The following CAMTA1 variants were observed in gnomAD, a reference collection of about 807,000 sequenced individuals.
CAMTA1 encodes calmodulin-binding transcription activator 1.
Under a neutral mutation model 170.9 loss-of-function variants are expected in CAMTA1, and 27 were observed. That is an observed-to-expected ratio of 0.16 (90% CI 0.12 to 0.22). The LOEUF (loss-of-function observed/expected upper bound fraction) is 0.22. CAMTA1 is among the 10% of genes least tolerant of loss of function. The pLI is 1.00. For synonymous variants in CAMTA1, 833 were observed against 891.5 expected, an observed-to-expected ratio of 0.93 and a Z score of 1.17; for missense variants, 1,619 against 2,217.2, an observed-to-expected ratio of 0.73 and a Z score of 5.42.
At chr1:6,956,578 A>G (rs1412992558) in intron 3 of CAMTA1, among the ~76,000 whole-genome samples, 3 of 152,212 alleles carry the variant, frequency 2.0e-5, no homozygotes, top group Non-Finnish European at 2.9e-5. Context: ...CTGCACAATT[A>G]GGCTATAAAT....
Position 7,744,861 on chromosome 1 carries a change from C to T in CAMTA1, c.4209C>T (p.His1403=). The change falls in exon 17 of 23, where the codon CAC becomes CAT. Residue 1403 remains histidine (H), a synonymous_variant. Coordinates refer to ENST00000303635, the MANE Select transcript of CAMTA1 (RefSeq NM_015215.4). ...IQVNMMTLAE[H]IIEATPDRIK... ...TGAACATGATGACCTTGGCAGAACA[C>T]ATTATTGAAGCCACACCTGACCGAA... 6.2e-7 allele frequency: 1 copy of T among 1,613,816 alleles called. No individual in the cohort carries two copies. The highest frequency in any genetic ancestry group is 8.5e-7 in the Non-Finnish European group (1 of 1,179,862).
rs1290056681 is a variant in CAMTA1, at chr1:6,918,550, C to A, written c.234+93340C>A. On this transcript the variant is annotated intron_variant, in intron 3 of 22. Transcript: ENST00000303635. The surrounding 1 kb of genome is among the most constrained non-coding windows in gnomAD (Gnocchi z 4.0). ...TATTTGTGCTTGAGAAATACTGTGG[C>A]TTCAAAACGGTATTTATCTGGCATT... Among the ~76,000 whole-genome samples, 1 of 152,222 alleles carries A rather than the reference C, an allele frequency of 6.6e-6. No homozygotes were observed. Among genetic ancestry groups the A allele is most frequent in the African/African-American group, 2.4e-5 (1 of 41,460 alleles).
At chr1:6,815,616 A>G (rs938830259) in intron 1 of CAMTA1, among the ~76,000 whole-genome samples, 1 of 152,246 alleles carries the variant, frequency 6.6e-6, no homozygotes, top group Non-Finnish European at 1.5e-5. Context: ...ATGTACTAAC[A>G]GATGAAAGTA....
intron 3 of CAMTA1, among the ~76,000 whole-genome samples, chr1:6,844,769 G>A (rs1233070796): frequency 1.3e-5 from 2 of 150,584 alleles, no homozygotes; most frequent in Non-Finnish European, 3.0e-5. Context: ...AGTGAGAAAT[G>A]AGCAAAATAC....
chr1:6,995,303 T>C (rs937787179), intron 3 of CAMTA1, among the ~76,000 whole-genome samples: 1 of 113,954 alleles, frequency 8.8e-6, no homozygotes, highest in Non-Finnish European at 1.9e-5. Flanking sequence ...TTCTTTTTTT[T>C]TTTTTTTTTT....
At chr1:7,026,677 C>G (rs1426010801) in intron 3 of CAMTA1, among the ~76,000 whole-genome samples, 1 of 138,064 alleles carries the variant, frequency 7.2e-6, no homozygotes, top group Non-Finnish European at 1.5e-5. Context: ...TTTCACCAGG[C>G]TGGAGTGCAG....
chr1:6,835,611 A>G (rs747209829), intron 3 of CAMTA1, among the ~76,000 whole-genome samples: 11 of 152,194 alleles, frequency 7.2e-5, no homozygotes, highest in Non-Finnish European at 1.6e-4. Context: ...ACAAGTGCCC[A>G]GGTGAAAGCT....
At chr1:7,578,332 G>A (rs547001236) in intron 6 of CAMTA1, among the ~76,000 whole-genome samples, 1 of 152,158 alleles carries the variant, frequency 6.6e-6, no homozygotes, top group Non-Finnish European at 1.5e-5. Flanking sequence ...AGAGAAAGCC[G>A]AGGCCCTGGG....
At chr1:7,507,143 C>T (rs751290274) in intron 6 of CAMTA1, among the ~76,000 whole-genome samples, 4 of 148,560 alleles carry the variant, frequency 2.7e-5, no homozygotes, top group Non-Finnish European at 5.9e-5. Flanking sequence ...CACACTCACA[C>T]TCACTCCCAC....
intron 3 of CAMTA1, among the ~76,000 whole-genome samples, chr1:6,906,375 G>A (rs1390584273): frequency 6.6e-6 from 1 of 152,170 alleles, no homozygotes; most frequent in Non-Finnish European, 1.5e-5. Flanking sequence ...TGGCAGAAAA[G>A]GCTCTGCTTT....
At chr1:7,166,594 C>A (rs151234906) in intron 4 of CAMTA1, among the ~76,000 whole-genome samples, 2 of 152,096 alleles carry the variant, frequency 1.3e-5, no homozygotes, top group Non-Finnish European at 2.9e-5. Flanking sequence ...GGGTTATTGG[C>A]CATTTGGGTT....
At chr1:7,490,694 G>A (rs534852725) in intron 6 of CAMTA1, among the ~76,000 whole-genome samples, 47 of 152,208 alleles carry the variant, frequency 3.1e-4, no homozygotes, top group Non-Finnish European at 4.4e-4. Context: ...CCAGGGAGTG[G>A]CCAGTGTGAC....
intron 6 of CAMTA1, among the ~76,000 whole-genome samples, chr1:7,513,473 C>T (rs985491588): frequency 5.3e-5 from 8 of 152,066 alleles, no homozygotes; most frequent in African/African-American, 1.4e-4. Context: ...ATCAAGGGGT[C>T]GGTTCCTTCC....
At chr1:7,492,739 A>C (rs1369047481) in intron 6 of CAMTA1, among the ~76,000 whole-genome samples, 1 of 79,976 alleles carries the variant, frequency 1.3e-5, no homozygotes, top group Non-Finnish European at 2.3e-5. Context: ...CTACATACAC[A>C]CACGCGCGCA....
intron 3 of CAMTA1, among the ~76,000 whole-genome samples, chr1:6,943,606 T>C (rs926960104): frequency 6.6e-6 from 1 of 152,078 alleles, no homozygotes; most frequent in Admixed American, 6.5e-5. Flanking sequence ...CCCAGCACTT[T>C]GGGAGGCCGA....
At chr1:7,328,041 T>C (rs2082797750) in intron 5 of CAMTA1, among the ~76,000 whole-genome samples, 3 of 152,348 alleles carry the variant, frequency 2.0e-5, no homozygotes, top group South Asian at 2.1e-4. Flanking sequence ...GTCATTCTAA[T>C]TGTCATTTCT....
rs761883776 is a variant in CAMTA1 at position 7,300,764 on chromosome 1, T to C, written c.438+51138T>C. Among the ~76,000 whole-genome samples the C allele has an allele frequency of 7.2e-5, 11 of 152,170 alleles. No homozygotes were observed. Among genetic ancestry groups the C allele is most frequent in the Non-Finnish European group, 1.3e-4 (9 of 68,026 alleles). On this transcript the variant is annotated intron_variant, in intron 5 of 22. Coordinates refer to ENST00000303635, the MANE Select transcript of CAMTA1 (RefSeq NM_015215.4). This position sits in a 1 kb window ranked among gnomAD's most constrained non-coding sequence, Gnocchi z 4.1. ...TGGCAGGCAATGAGAGGAAGTGTCG[T>C]GTTGTCCGTTGGTGACATTTGCAAA... is the stretch of plus-strand genomic sequence containing the variant.
rs1021774715 is a variant in CAMTA1 at position 7,079,901 on chromosome 1, C to T, written c.235-11403C>T. ...CAATGGAATGGGATCTCTTGAGTGC[C>T]GAAAGGGGGAACAGTCTGTCAGTGT... On this transcript the variant is annotated intron_variant, in intron 3 of 22. Coordinates refer to ENST00000303635, the MANE Select transcript of CAMTA1 (RefSeq NM_015215.4). 3.3e-5 allele frequency among the ~76,000 whole-genome samples: 5 copies of T among 152,104 alleles called. No homozygotes were observed. The East Asian group carries it at 5.8e-4, about 18-fold the overall frequency.
At chr1:7,061,258 C>CCGGAG (rs1319718925) in intron 3 of CAMTA1, among the ~76,000 whole-genome samples, 1 of 152,238 alleles carries the variant, frequency 6.6e-6, no homozygotes, top group Admixed American at 6.5e-5. Context: ...CCGGTCCTGC[C>CCGGAG]CGGAGCAGAG....
Sources: gnomAD v4.1 joint callset for allele counts (sites outside exome capture counted in the v4.1 genomes callset) on GRCh38, gnomAD v4.1.1 for gene constraint, Gnocchi (gnomAD v3.1) non-coding constraint, MANE v1.5 for transcripts, NCBI Gene and HGNC (gene_info 2026-07-23, HGNC 2026-07-21) for gene names.